Variants in CTNNA1 observed in about 807,000 individuals in gnomAD.
CTNNA1 encodes the protein catenin alpha 1.
Under a neutral mutation model 98.4 loss-of-function variants are expected in CTNNA1, and 37 were observed. The observed-to-expected ratio is 0.38, with a 90% CI of 0.29 to 0.49. The LOEUF is 0.49. CTNNA1 is among the 20% of genes least tolerant of loss of function. CTNNA1 has a pLI of 0.95. For synonymous variants in CTNNA1, 404 were observed against 413.2 expected (o/e 0.98, Z 0.27); for missense variants, 761 against 1,147.2 (o/e 0.66, Z 4.86).
At chr5:138,932,790 G>A (rs143211286) in intron 17 of CTNNA1, 78 bp downstream of exon 17, 105 of 1,545,268 alleles carry the variant, frequency 6.8e-5, no homozygotes, top group African/African-American at 2.4e-4. Context: ...CCTCCTATCC[G>A]CATAAACACC....
chr5:138,890,722 C>T (rs1489876260), intron 9 of CTNNA1, among the ~76,000 whole-genome samples: 1 of 152,150 alleles, frequency 6.6e-6, no homozygotes, highest in Admixed American at 6.6e-5. Context: ...TATAGTTGAA[C>T]TCAATCTCCA....
At position 138,874,466 on chromosome 5, in the gene CTNNA1, A is replaced by G; in HGVS notation, c.1063-11746A>G. The G allele has an allele frequency of 1.2e-6, 2 of 1,613,512 alleles. No individual in the cohort carries two copies. The highest frequency in any genetic ancestry group is 1.7e-4 in the Middle Eastern group (1 of 6,060). ...GCAGCGGCATTTGGGTGGACACGCCATACCCAGGGCAGGCAGCATTTTTAA... is the reference window on the plus strand; with the variant it reads ...GCAGCGGCATTTGGGTGGACACGCCGTACCCAGGGCAGGCAGCATTTTTAA... On this transcript the variant is annotated intron_variant, in intron 7 of 17. Coordinates refer to ENST00000302763, the MANE Select transcript of CTNNA1 (RefSeq NM_001903.5). The surrounding 1 kb of genome is among the most constrained non-coding windows in gnomAD (Gnocchi z 4.1).
intron 7 of CTNNA1, among the ~76,000 whole-genome samples, chr5:138,882,472 G>T (rs754627429): frequency 1.3e-5 from 2 of 152,194 alleles, no homozygotes; most frequent in Non-Finnish European, 2.9e-5. Flanking sequence ...AGCGGAAGAG[G>T]TTATGTGGAT....
intron 14 of CTNNA1, 41 bp from the exon 15 acceptor site, chr5:138,930,432 T>C (rs1765064345): frequency 2.0e-6 from 3 of 1,499,070 alleles, no homozygotes; most frequent in Admixed American, 1.9e-5. Flanking sequence ...GAGAACTTCA[T>C]ATTCTTTTTA....
At position 138,896,621 on chromosome 5, in the gene CTNNA1, G is replaced by A. The variant is rs930186216; in HGVS notation, c.1297-7728G>A. ...GAGCAGGAGCCAGAGGGCTGGTATT[G>A]GTGGGCTGGATGGCTCTTCCCTTTA... On this transcript the variant is annotated intron_variant, in intron 9 of 17. Transcript: ENST00000302763. Among the ~76,000 whole-genome samples the A allele has an allele frequency of 2.5e-4, 38 of 152,148 alleles. 1 individual carries two copies. Among genetic ancestry groups the A allele is most frequent in the Admixed American group, 2.5e-3 (38 of 15,276 alleles).
intron 11 of CTNNA1, among the ~76,000 whole-genome samples, chr5:138,918,662 C>A (rs1438282885): frequency 6.6e-6 from 1 of 152,172 alleles, no homozygotes; most frequent in Non-Finnish European, 1.5e-5. Context: ...GTTTATCACA[C>A]AGAGATAAAT....
chr5:138,842,698 G>A (rs1374524744), intron 7 of CTNNA1, among the ~76,000 whole-genome samples: 1 of 152,142 alleles, frequency 6.6e-6, no homozygotes, highest in Admixed American at 6.5e-5. Context: ...GAAGCTTAGC[G>A]TTGCAGTAAT....
At chr5:138,892,328 GTTTTTT>G (rs70982738) in intron 9 of CTNNA1, among the ~76,000 whole-genome samples, 50 of 79,238 alleles carry the variant, frequency 6.3e-4, no homozygotes, top group African/African-American at 2.6e-3. Flanking sequence ...AAATAGCTTA[GTTTTTT>G]TTTTTTTTTT....
intron 7 of CTNNA1, among the ~76,000 whole-genome samples, chr5:138,851,070 CAGT>C (rs757446220): frequency 5.3e-5 from 8 of 152,172 alleles, no homozygotes; most frequent in Non-Finnish European, 1.0e-4. Flanking sequence ...CAGCTGGCAT[CAGT>C]ATAGAAAACA....
chr5:138,866,193 A>T (rs1221580641), intron 7 of CTNNA1, among the ~76,000 whole-genome samples: 3 of 152,104 alleles, frequency 2.0e-5, no homozygotes, highest in Admixed American at 2.0e-4. Flanking sequence ...GTCTGGAAAT[A>T]ATTAATTAAT....
chr5:138,773,830 G>A (rs1753807560), intron 1 of CTNNA1, among the ~76,000 whole-genome samples: 1 of 151,716 alleles, frequency 6.6e-6, no homozygotes, highest in Non-Finnish European at 1.5e-5. Flanking sequence ...TCCTGCCTCA[G>A]CCTCCTGAAT....
In CTNNA1 at chr5:138,924,630, T is replaced by G; in HGVS notation, c.1667T>G (p.Val556Gly). The change falls in exon 12 of 18, where the codon GTC becomes GGC. Residue 556 changes from valine to glycine, a missense_variant. By Grantham distance (109) the Val-to-Gly change is moderately radical. Transcript: ENST00000302763. ...RGRAARVIHV[V>G]TSEMDNYEPG... ...CGGGCAGCCCGGGTCATTCACGTAG[T>G]CACCTCAGAGATGGACAACTATGAG... 6.2e-7 allele frequency: 1 copy of G among 1,613,202 alleles called. No individual in the cohort carries two copies. The highest frequency in any genetic ancestry group is 1.3e-5 in the African/African-American group (1 of 75,036).
chr5:138,926,251 C>T (rs1323077963), intron 13 of CTNNA1, among the ~76,000 whole-genome samples: 2 of 152,178 alleles, frequency 1.3e-5, no homozygotes, highest in African/African-American at 4.8e-5. Context: ...TGTCACTCAG[C>T]CCCTTGTGTC....
intron 1 of CTNNA1, among the ~76,000 whole-genome samples, chr5:138,766,969 T>C (rs1301393129): frequency 2.0e-5 from 3 of 152,070 alleles, no homozygotes. Context: ...ATACAGTGGG[T>C]CCAAATATTT....
intron 3 of CTNNA1, among the ~76,000 whole-genome samples, chr5:138,804,454 G>T (rs1757882995): frequency 6.6e-6 from 1 of 152,174 alleles, no homozygotes; most frequent in South Asian, 2.1e-4. Context: ...TTTACCTGTT[G>T]GAAGTTAGTC....
At chr5:138,903,358 T>A (rs546977242) in intron 9 of CTNNA1, among the ~76,000 whole-genome samples, 1 of 152,210 alleles carries the variant, frequency 6.6e-6, no homozygotes, top group Non-Finnish European at 1.5e-5. Context: ...TTGTTTACTC[T>A]AGCATTTAAA....
intron 7 of CTNNA1, among the ~76,000 whole-genome samples, chr5:138,864,768 G>C (rs167009): frequency 0.74 from 112,729 of 151,944 alleles, 42,072 homozygotes; most frequent in East Asian, 0.99. Context: ...ATATGCTTCT[G>C]TTCATTCCTG....
chr5:138,794,336 A>G (rs532858230), intron 3 of CTNNA1, among the ~76,000 whole-genome samples: 2 of 152,236 alleles, frequency 1.3e-5, no homozygotes, highest in South Asian at 4.1e-4. Flanking sequence ...TCAAAAGATA[A>G]ACAGTTGTGT....
chr5:138,852,234 A>G (rs1763256227), intron 7 of CTNNA1, among the ~76,000 whole-genome samples: 1 of 152,158 alleles, frequency 6.6e-6, no homozygotes, highest in Non-Finnish European at 1.5e-5. Context: ...TACTTTTAAC[A>G]TTGCCTCAGT....
Sources: gnomAD v4.1 joint callset for allele counts (sites outside exome capture counted in the v4.1 genomes callset) on GRCh38, gnomAD v4.1.1 for gene constraint, Gnocchi (gnomAD v3.1) non-coding constraint, MANE v1.5 for transcripts, NCBI Gene and HGNC (gene_info 2026-07-23, HGNC 2026-07-21) for gene names.